Variants in CERK observed in about 807,000 individuals in gnomAD.
CERK encodes acylsphingosine kinase.
Under a neutral mutation model 63.4 loss-of-function variants are expected in CERK, and 39 were observed. The ratio of observed to expected loss-of-function variants is 0.61; its 90% CI spans 0.48 to 0.80. The LOEUF (loss-of-function observed/expected upper bound fraction) is 0.80, where lower values mean the gene tolerates loss of function less well. CERK is among the 30% of genes least tolerant of loss of function. CERK has a pLI of 0.00. For missense variants in CERK, 670 were observed against 714.1 expected (o/e 0.94, Z 0.70); for synonymous variants, 302 against 280.0 (o/e 1.08, Z -0.78).
chr22:46,706,060 C>T (rs1601716956), intron 6 of CERK, among the ~76,000 whole-genome samples: 1 of 152,254 alleles, frequency 6.6e-6, no homozygotes, highest in Admixed American at 6.5e-5. Context: ...AAGCCGTGAT[C>T]TGTGCACCTT....
chr22:46,694,600 C>G (rs537826460), intron 9 of CERK, among the ~76,000 whole-genome samples: 2 of 152,314 alleles, frequency 1.3e-5, no homozygotes, highest in East Asian at 3.9e-4. Context: ...ACCCCTGGCA[C>G]CAGCCCTTGT....
intron 8 of CERK, among the ~76,000 whole-genome samples, chr22:46,696,170 G>A (rs1404191177): frequency 6.6e-6 from 1 of 152,200 alleles, no homozygotes; most frequent in African/African-American, 2.4e-5. Flanking sequence ...GGAAGCTGCC[G>A]GCAAGAGCAG....
Position 46,707,919 on chromosome 22 carries a change from C to G in CERK, c.639G>C (p.Arg213Ser). 6.2e-7 allele frequency: 1 copy of G among 1,613,920 alleles called. No homozygotes were observed. The highest frequency in any genetic ancestry group is 1.1e-5 in the South Asian group (1 of 91,090). The stretch of plus-strand genomic sequence containing the variant: ...GGTGGTTCTGGTCGACCCCGGCGCT[C>G]CTCTGCGTCCTCCCAATCAGACCGT... ...VLHGLIGRTQ[R>S]SAGVDQNHPR... is the part of the protein sequence containing the mutation. Residue 213 changes from arginine (R) to serine (S), a missense_variant, in exon 6 of 13, where the codon AGG (arginine) becomes AGC (serine). Transcript: ENST00000216264.
intron 6 of CERK, among the ~76,000 whole-genome samples, chr22:46,704,201 G>GT (rs1221607892): frequency 3.9e-5 from 6 of 152,194 alleles, no homozygotes; most frequent in African/African-American, 1.2e-4. Context: ...AGGGCACACA[G>GT]TGGCACCTCC....
chr22:46,701,698 C>T lies in CERK; in HGVS notation c.728G>A (p.Cys243Tyr). The change falls in exon 7 of 13, where the codon TGC becomes TAC. Residue 243 changes from cysteine to tyrosine, a missense_variant. Transcript: ENST00000216264. ...GGTGCCCACGGTGGAGTAACACACGCAGTCCGTTGACCCTGTAAAGGGAAA... is the reference window on the plus strand; with the variant it reads ...GGTGCCCACGGTGGAGTAACACACGTAGTCCGTTGACCCTGTAAAGGGAAA... ...IGIIPAGSTD[C>Y]VCYSTVGTSD... 1 of 1,556,738 alleles carries T rather than the reference C, an allele frequency of 6.4e-7. No individual in the cohort carries two copies.
Position 46,695,290 on chromosome 22 carries a change from G to T in CERK, c.969C>A (p.His323Gln). The change falls in exon 9 of 13, where the codon CAC becomes CAA. Residue 323 changes from histidine (H) to glutamine (Q), a missense_variant. Transcript: ENST00000216264. The part of the protein sequence containing the change: ...FSGLKTFLSH[H>Q]CYEGTVSFLP... ...GGAAGGACACTGTCCCTTCATAGCAGTGGTGGGAGAGGAAGGTCTTTAAAC... is the reference window on the plus strand; with the variant it reads ...GGAAGGACACTGTCCCTTCATAGCATTGGTGGGAGAGGAAGGTCTTTAAAC... The T allele has an allele frequency of 6.2e-7, 1 of 1,609,406 alleles. No homozygotes were observed. The highest frequency in any genetic ancestry group is 1.1e-5 in the South Asian group (1 of 91,000).
chr22:46,718,788 T>C (rs1316896798), intron 3 of CERK, among the ~76,000 whole-genome samples: 6 of 152,200 alleles, frequency 3.9e-5, no homozygotes, highest in Non-Finnish European at 7.3e-5. Flanking sequence ...CAAGACTGTG[T>C]ATTGGCTGGG....
At chr22:46,687,296 C>T in intron 12 of CERK, 90 bp from the exon 13 acceptor site, 1 of 485,120 alleles carries the variant, frequency 2.1e-6, no homozygotes, top group Non-Finnish European at 3.3e-6. Flanking sequence ...CTGCAGTAAA[C>T]CCCACGTGTC....
chr22:46,687,132 T>C lies in CERK; in HGVS notation c.*2A>G, dbSNP rs1212266612. On this transcript the variant is annotated 3_prime_UTR_variant, in exon 13 of 13. Coordinates refer to ENST00000216264, the MANE Select transcript of CERK (RefSeq NM_022766.6). ...CCAGTTTGTGAGCAGGACGCCGGCT[T>C]CTCAGCTGTGTGAGTCTGGCTTCGG... The C allele has an allele frequency of 4.3e-6, 7 of 1,614,046 alleles. No individual in the cohort carries two copies. Among genetic ancestry groups the C allele is most frequent in the Non-Finnish European group, 5.9e-6 (7 of 1,179,896 alleles).
chr22:46,691,067 A>ACG (rs1353045602), intron 11 of CERK, among the ~76,000 whole-genome samples: 9 of 150,758 alleles, frequency 6.0e-5, no homozygotes, highest in African/African-American at 1.5e-4. Flanking sequence ...ACACACACAC[A>ACG]CACACACACA....
In CERK at chr22:46,733,691, T is replaced by C. The variant is rs575828675; in HGVS notation, c.142+4316A>G. 1.1e-3 allele frequency among the ~76,000 whole-genome samples: 164 copies of C among 152,286 alleles called. 2 individuals carry two copies. Among genetic ancestry groups the C allele is most frequent in the African/African-American group, 3.7e-3 (153 of 41,544 alleles). ...TTTTCTTTATTCTTTCTGGATTCCA[T>C]CTTGGTTAGGAGAGCCTTTTCCCAT... On this transcript the variant is annotated intron_variant, in intron 1 of 12. Coordinates refer to ENST00000216264, the MANE Select transcript of CERK (RefSeq NM_022766.6).
At chr22:46,737,761 C>T (rs1029976815) in intron 1 of CERK, among the ~76,000 whole-genome samples, 1 of 152,140 alleles carries the variant, frequency 6.6e-6, no homozygotes, top group Admixed American at 6.5e-5. Context: ...GATGGGGCGC[C>T]GGCCTCCCCT....
intron 8 of CERK, among the ~76,000 whole-genome samples, chr22:46,697,562 G>A (rs1054743954): frequency 6.6e-6 from 1 of 152,168 alleles, no homozygotes; most frequent in Admixed American, 6.6e-5. Context: ...CTGAAGTGCA[G>A]TGGCACGATC....
intron 5 of CERK, among the ~76,000 whole-genome samples, chr22:46,708,410 G>A (rs1048063415): frequency 4.6e-5 from 7 of 152,240 alleles, no homozygotes; most frequent in South Asian, 2.1e-4. Context: ...CAGTCTGCGC[G>A]GGGACGTTTC....
intron 1 of CERK, among the ~76,000 whole-genome samples, chr22:46,733,745 C>G (rs554733959): frequency 6.6e-6 from 1 of 151,914 alleles, no homozygotes; most frequent in South Asian, 2.1e-4. Flanking sequence ...CCTCTATTTT[C>G]TTGTAAGAAT....
intron 1 of CERK, among the ~76,000 whole-genome samples, chr22:46,733,290 T>C (rs2082955584): frequency 6.6e-6 from 1 of 150,862 alleles, no homozygotes; most frequent in South Asian, 2.1e-4. Context: ...TTATTTTTAT[T>C]TTATTATTAT....
chr22:46,707,335 T>C (rs1478778660), intron 6 of CERK, among the ~76,000 whole-genome samples: 2 of 152,182 alleles, frequency 1.3e-5, no homozygotes, highest in Non-Finnish European at 2.9e-5. Flanking sequence ...AGAAGGATGT[T>C]GAATGGACCA....
At chr22:46,694,370 G>T (rs941303155) in intron 9 of CERK, among the ~76,000 whole-genome samples, 1 of 152,194 alleles carries the variant, frequency 6.6e-6, no homozygotes, top group African/African-American at 2.4e-5. Context: ...CACTGTGTGG[G>T]GGTGGGGGCG....
intron 8 of CERK, among the ~76,000 whole-genome samples, chr22:46,697,052 A>G (rs1601711593): frequency 6.6e-6 from 1 of 152,102 alleles, no homozygotes; most frequent in Non-Finnish European, 1.5e-5. Flanking sequence ...TTAGATAAAT[A>G]CCTCACTTTG....
Sources: gnomAD v4.1 joint callset for allele counts (sites outside exome capture counted in the v4.1 genomes callset) on GRCh38, gnomAD v4.1.1 for gene constraint, MANE v1.5 for transcripts, NCBI Gene and HGNC (gene_info 2026-07-23, HGNC 2026-07-21) for gene names.